Variants in NUP85 observed in about 807,000 individuals in gnomAD.
The protein encoded by NUP85 is nucleoporin 85.
A neutral mutation model predicts 92.8 loss-of-function variants in NUP85; 23 were observed. The ratio of observed to expected loss-of-function variants is 0.25; its 90% CI spans 0.18 to 0.35. The LOEUF (loss-of-function observed/expected upper bound fraction) is 0.35, where lower values mean the gene tolerates loss of function less well. Ranked by LOEUF, NUP85 falls within the 10% of genes least tolerant of loss-of-function variation. NUP85 has a pLI of 1.00. For missense variants in NUP85, 759 were observed against 822.8 expected, an observed-to-expected ratio of 0.92 and a Z score of 0.95; for synonymous variants, 314 against 306.9, an observed-to-expected ratio of 1.02 and a Z score of -0.24.
Position 75,231,682 on chromosome 17 carries a change from G to C in NUP85, c.1244+44G>C. 6.4e-7 allele frequency: 1 copy of C among 1,566,218 alleles called. No homozygotes were observed. The highest frequency in any genetic ancestry group is 1.7e-5 in the African/African-American group (1 of 60,516). Reference sequence around the variant, plus strand: ...GTGTGGGCTATGCGGGTGCTCTTCAGCATGCGGGTGCCATTGGAGCTTGGA... The same window carrying C: ...GTGTGGGCTATGCGGGTGCTCTTCACCATGCGGGTGCCATTGGAGCTTGGA... On this transcript the variant is annotated intron_variant, in intron 13 of 18. Coordinates refer to ENST00000245544, the MANE Select transcript of NUP85 (RefSeq NM_024844.5). This position sits in a 1 kb window ranked among gnomAD's most constrained non-coding sequence, Gnocchi z 4.6.
At chr17:75,233,248 T>C (rs1196970409) in intron 16 of NUP85, 90 bp downstream of exon 16, 1 of 983,868 alleles carries the variant, frequency 1.0e-6, no homozygotes, top group Non-Finnish European at 1.6e-6. Context: ...TCCCAGCGCT[T>C]CCTTCATGTA....
Position 75,231,646 on chromosome 17 carries a change from G to A in NUP85, c.1244+8G>A. 6.2e-7 allele frequency: 1 copy of A among 1,613,972 alleles called. No individual in the cohort carries two copies. The highest frequency in any genetic ancestry group is 8.5e-7 in the Non-Finnish European group (1 of 1,179,876). ...ACTGTTTGCTCATCCCAGGTAGGAA[G>A]GACCCCATGGGTGTGGGCTATGCGG... On this transcript the variant is annotated splice_region_variant and intron_variant, in intron 13 of 18. Coordinates refer to ENST00000245544, the MANE Select transcript of NUP85 (RefSeq NM_024844.5). The surrounding 1 kb of genome is among the most constrained non-coding windows in gnomAD (Gnocchi z 4.6).
intron 11 of NUP85, chr17:75,228,099 G>T: frequency 1.5e-6 from 1 of 670,384 alleles, no homozygotes; most frequent in Non-Finnish European, 1.8e-6. Context: ...TAAATTTCCT[G>T]TGTTATAACA....
intron 4 of NUP85, among the ~76,000 whole-genome samples, chr17:75,212,628 A>G (rs1431788013): frequency 1.3e-5 from 2 of 151,956 alleles, no homozygotes; most frequent in Non-Finnish European, 1.5e-5. Context: ...GTGTACTACC[A>G]TGCCCAGCTA....
chr17:75,235,637 T>G lies in NUP85; in HGVS notation c.1929T>G (p.Leu643=). ...EMLRLSLARN[L]ARAIIREGSL... ...TGAGACTTTCTCTGGCACGAAATCT[T>G]GCTCGGGCAATTATAAGAGAAGGCT... The change falls in exon 19 of 19, where the codon CTT becomes CTG. Residue 643 remains leucine (L), a synonymous_variant. Transcript: ENST00000245544. The G allele has an allele frequency of 6.2e-7, 1 of 1,614,154 alleles. No individual in the cohort carries two copies. Among genetic ancestry groups the G allele is most frequent in the Non-Finnish European group, 8.5e-7 (1 of 1,179,982 alleles).
chr17:75,207,758 A>T (rs528058838), intron 1 of NUP85, among the ~76,000 whole-genome samples: 3 of 151,870 alleles, frequency 2.0e-5, no homozygotes, highest in Non-Finnish European at 4.4e-5. Context: ...GATTACAGGC[A>T]TGAGCCACCG....
intron 3 of NUP85, among the ~76,000 whole-genome samples, chr17:75,210,322 G>C (rs2075218109): frequency 6.6e-6 from 1 of 152,188 alleles, no homozygotes; most frequent in African/African-American, 2.4e-5. Flanking sequence ...AAACCTAACA[G>C]TTTTGTCTCT....
chr17:75,226,347 G>A (rs983847915), intron 11 of NUP85, among the ~76,000 whole-genome samples, 190 bp downstream of exon 11: 5 of 152,212 alleles, frequency 3.3e-5, no homozygotes, highest in East Asian at 3.9e-4. Context: ...TTTTCTCACC[G>A]TTCTGGAGGC....
chr17:75,234,828 T>C (rs1376067032), intron 17 of NUP85, 40 bp downstream of exon 17: 1 of 1,610,582 alleles, frequency 6.2e-7, no homozygotes, highest in Non-Finnish European at 8.5e-7. Context: ...TGCTTGTCAG[T>C]CCCTGCTAGA....
intron 14 of NUP85, among the ~76,000 whole-genome samples, 179 bp from the exon 15 acceptor site, chr17:75,232,672 A>C (rs772622528): frequency 2.6e-5 from 4 of 152,178 alleles, no homozygotes; most frequent in Non-Finnish European, 5.9e-5. Flanking sequence ...CACTCTTAGC[A>C]GATCCCAGAC....
At chr17:75,226,186 C>A in intron 11 of NUP85, 29 bp downstream of exon 11, 4 of 1,585,450 alleles carry the variant, frequency 2.5e-6, no homozygotes, top group Non-Finnish European at 3.5e-6. Flanking sequence ...CCCACTGTAA[C>A]CATTTTTAGG....
Position 75,232,943 on chromosome 17 carries a change from G to A in NUP85, c.1489G>A (p.Ala497Thr), listed in dbSNP as rs750992371. The A allele has an allele frequency of 1.5e-5, 25 of 1,614,032 alleles. 1 individual carries two copies. The highest frequency in any genetic ancestry group is 1.6e-4 in the Middle Eastern group (1 of 6,084). ...TTGGAGCATCCGTGCTAAGGATGCC[G>A]CCTTTGCCACGCTCGTGTCAGACAG... ...LSWSIRAKDA[A>T]FATLVSDRFL... Residue 497 changes from alanine (A) to threonine (T), a missense_variant, in exon 15 of 19, where the codon GCC becomes ACC. By Grantham distance (58) the Ala-to-Thr change is moderately conservative. Transcript: ENST00000245544.
rs760887411 is a variant in NUP85 at position 75,231,541 on chromosome 17, G to A, written c.1179-32G>A. ...GGGGGCCCTGAACAGGGCAGGCCAG[G>A]AGTCTTGGTCTTTTGTTATGTTTTA... On this transcript the variant is annotated intron_variant, in intron 12 of 18. Coordinates refer to ENST00000245544, the MANE Select transcript of NUP85 (RefSeq NM_024844.5). The surrounding 1 kb of genome is among the most constrained non-coding windows in gnomAD (Gnocchi z 4.6). The A allele has an allele frequency of 6.2e-7, 1 of 1,613,680 alleles. No individual in the cohort carries two copies. The highest frequency in any genetic ancestry group is 8.5e-7 in the Non-Finnish European group (1 of 1,179,552).
intron 2 of NUP85, among the ~76,000 whole-genome samples, chr17:75,208,982 G>A (rs1005302321): frequency 6.6e-6 from 1 of 151,948 alleles, no homozygotes; most frequent in Admixed American, 6.6e-5. Flanking sequence ...GGCCTCAAGC[G>A]ATCCTGTTGC....
intron 16 of NUP85, among the ~76,000 whole-genome samples, chr17:75,233,404 TC>T (rs2076164816): frequency 1.8e-5 from 2 of 113,552 alleles, no homozygotes; most frequent in Admixed American, 9.4e-5. Flanking sequence ...TTTCTCTTTC[TC>T]TTTCTTTCTT....
chr17:75,217,373 A>T (rs28507006), intron 6 of NUP85, among the ~76,000 whole-genome samples: 2 of 148,832 alleles, frequency 1.3e-5, no homozygotes, highest in East Asian at 2.0e-4. Context: ...CTAATTTTTT[A>T]TTTTTTTTTG....
rs1598342939 is a variant in NUP85 at position 75,231,251 on chromosome 17, G to A, written c.1095-89G>A. On this transcript the variant is annotated intron_variant, in intron 11 of 18. Transcript: ENST00000245544. The surrounding 1 kb of genome is among the most constrained non-coding windows in gnomAD (Gnocchi z 4.6). ...CCGGCCCCATCTCTTTGAGGGACAG[G>A]ACATGTGGGGTTTCTTGCTCACCCC... 1.4e-5 allele frequency: 17 copies of A among 1,213,820 alleles called. No homozygotes were observed. The East Asian group carries it at 3.9e-4, about 28-fold the overall frequency. The allele number at this position is 1,213,820 out of a possible 1,614,324, so 75.2% of individuals were successfully genotyped here. A position where few individuals can be genotyped will look rare whatever the true frequency, so the allele number is the denominator to read the frequency against.
Position 75,225,421 on chromosome 17 carries a change from A to C in NUP85, c.812A>C (p.Asp271Ala). 6.2e-7 allele frequency: 1 copy of C among 1,614,150 alleles called. No homozygotes were observed. ...WHEECERYLQ[D>A]STFATSPHLE... ...GAGGAATGTGAGCGGTACCTCCAGGACAGCACATTCGCCACCAGCCCTCAC... is the reference window on the plus strand; with the variant it reads ...GAGGAATGTGAGCGGTACCTCCAGGCCAGCACATTCGCCACCAGCCCTCAC... Residue 271 changes from aspartate (D) to alanine (A), a missense_variant, in exon 9 of 19, where the codon GAC becomes GCC. Physicochemically the swap from Asp to Ala is moderately radical, Grantham distance 126. Coordinates refer to ENST00000245544, the MANE Select transcript of NUP85 (RefSeq NM_024844.5).
intron 16 of NUP85, 79 bp from the exon 17 acceptor site, chr17:75,234,558 G>A (rs994876709): frequency 1.4e-6 from 2 of 1,480,546 alleles, no homozygotes; most frequent in Admixed American, 3.4e-5. Flanking sequence ...CCTGTTTAGG[G>A]CCAGGGTGAC....
Sources: allele counts gnomAD v4.1 joint callset (sites outside exome capture counted in the v4.1 genomes callset), GRCh38; gene constraint gnomAD v4.1.1; non-coding constraint Gnocchi (gnomAD v3.1); transcripts MANE v1.5; gene names NCBI Gene and HGNC (gene_info 2026-07-23, HGNC 2026-07-21).